Variants in C8orf34 observed in about 807,000 individuals in gnomAD.
C8orf34 encodes the protein chromosome 8 open reading frame 34, also known as uncharacterized protein C8orf34.
In C8orf34, 65 loss-of-function variants were observed where a neutral mutation model predicts 68.3. The observed-to-expected ratio is 0.95, with a 90% confidence interval of 0.78 to 1.17. The LOEUF is 1.17. Among genes scored for constraint, C8orf34 ranks in the 50% most tolerant of loss-of-function variants. The pLI is 0.00. For synonymous variants in C8orf34, 244 were observed against 241.2 expected, an observed-to-expected ratio of 1.01 and a Z score of -0.11; for missense variants, 664 against 655.4, an observed-to-expected ratio of 1.01 and a Z score of -0.14.
intron 7 of C8orf34, chr8:68,535,028 C>G (rs1182644487): frequency 2.0e-6 from 2 of 985,230 alleles, no homozygotes; most frequent in Non-Finnish European, 2.4e-6. Flanking sequence ...AGGTGGCAAG[C>G]AGTGTAATAA....
chr8:68,661,313 A>G (rs76359743), intron 8 of C8orf34, among the ~76,000 whole-genome samples: 4,895 of 152,300 alleles, frequency 0.032, 254 homozygotes, highest in African/African-American at 0.11. Flanking sequence ...GAAGGCTCGG[A>G]AATGAAAAAG....
intron 1 of C8orf34, among the ~76,000 whole-genome samples, chr8:68,416,538 T>C (rs1430441667): frequency 6.7e-6 from 1 of 149,394 alleles, no homozygotes; most frequent in Non-Finnish European, 1.5e-5. Context: ...TATTTATTTA[T>C]TTATTTATTT....
chr8:68,577,954 A>T (rs1386198946), intron 7 of C8orf34, among the ~76,000 whole-genome samples: 1 of 151,898 alleles, frequency 6.6e-6, no homozygotes, highest in African/African-American at 2.4e-5. Flanking sequence ...ATTATAAGAG[A>T]TTGTTGTCCT....
At chr8:68,407,457 A>G (rs772301992) in intron 1 of C8orf34, among the ~76,000 whole-genome samples, 2 of 152,002 alleles carry the variant, frequency 1.3e-5, no homozygotes, top group Non-Finnish European at 2.9e-5. Flanking sequence ...GAGAAATTTG[A>G]TATATCAGAT....
intron 1 of C8orf34, among the ~76,000 whole-genome samples, chr8:68,395,990 G>A (rs1050381563): frequency 6.6e-6 from 1 of 152,012 alleles, no homozygotes; most frequent in East Asian, 1.9e-4. Flanking sequence ...TCCTAAGGAG[G>A]CAGTAGATAT....
intron 1 of C8orf34, among the ~76,000 whole-genome samples, chr8:68,412,014 A>G (rs1586080763): frequency 6.6e-6 from 1 of 152,112 alleles, no homozygotes; most frequent in South Asian, 2.1e-4. Context: ...AGTAGCTTTA[A>G]CCCCTTTGTC....
rs552711661 is a variant in C8orf34, at chr8:68,778,551, GC to G, written c.1455+2103del. On this transcript the variant is annotated intron_variant, in intron 11 of 13. Transcript: ENST00000518698. The stretch of plus-strand genomic sequence containing the variant: ...TTCTCAAAAGTAAAGCTAAAATGGA[GC>G]TTTTATTCAACATCTTCTATTTTTC... 1.5e-3 allele frequency among the ~76,000 whole-genome samples: 232 copies of G among 152,060 alleles called. 1 individual carries two copies. The highest frequency in any genetic ancestry group is 4.4e-3 in the South Asian group (21 of 4,824).
At chr8:68,809,165 A>G (rs933530005) in intron 12 of C8orf34, among the ~76,000 whole-genome samples, 1 of 152,176 alleles carries the variant, frequency 6.6e-6, no homozygotes. Context: ...GTCAGATTTT[A>G]ACTATAAGGG....
At chr8:68,377,313 G>A (rs935541046) in intron 1 of C8orf34, among the ~76,000 whole-genome samples, 1 of 152,090 alleles carries the variant, frequency 6.6e-6, no homozygotes, top group Non-Finnish European at 1.5e-5. Context: ...AGAGAGGATC[G>A]CTTGAGCCCA....
At chr8:68,724,161 AT>A (rs1821760725) in intron 10 of C8orf34, among the ~76,000 whole-genome samples, 1 of 152,188 alleles carries the variant, frequency 6.6e-6, no homozygotes, top group Non-Finnish European at 1.5e-5. Context: ...TAAAATGAAG[AT>A]ATTTTAGATA....
intron 1 of C8orf34, among the ~76,000 whole-genome samples, chr8:68,367,907 G>GAAAAAAAAAAAA (rs1807360133): frequency 5.3e-4 from 8 of 15,032 alleles, no homozygotes; most frequent in African/African-American, 1.3e-3. Flanking sequence ...AATAAAAAAA[G>GAAAAAAAAAAAA]AAAAGAAAAA....
At chr8:68,418,475 A>G (rs1809782181) in intron 1 of C8orf34, among the ~76,000 whole-genome samples, 1 of 152,166 alleles carries the variant, frequency 6.6e-6, no homozygotes, top group African/African-American at 2.4e-5. Context: ...TCCCATCAAT[A>G]CCTAATTTAT....
intron 7 of C8orf34, among the ~76,000 whole-genome samples, chr8:68,610,981 C>A (rs964758549): frequency 1.3e-5 from 2 of 151,602 alleles, no homozygotes; most frequent in African/African-American, 4.9e-5. Flanking sequence ...TCTCCTGCCT[C>A]AGCCTTCCAA....
intron 3 of C8orf34, among the ~76,000 whole-genome samples, chr8:68,456,018 G>A (rs1811533728): frequency 6.6e-6 from 1 of 151,584 alleles, no homozygotes; most frequent in Non-Finnish European, 1.5e-5. Context: ...GGTGGAGGCA[G>A]GTGGATCACG....
chr8:68,705,103 G>A (rs545137925), intron 8 of C8orf34, among the ~76,000 whole-genome samples: 35 of 152,274 alleles, frequency 2.3e-4, no homozygotes, highest in Non-Finnish European at 4.6e-4. Flanking sequence ...TGCAATGAGA[G>A]GCAGAGTGAT....
chr8:68,439,372 C>A, intron 1 of C8orf34, 127 bp from the exon 2 acceptor site: 3 of 721,734 alleles, frequency 4.2e-6, no homozygotes, highest in Non-Finnish European at 4.3e-6. Flanking sequence ...TTGTTATAAG[C>A]ATGGAGTTAG....
At chr8:68,725,376 TCTTA>T (rs1372412094) in intron 10 of C8orf34, among the ~76,000 whole-genome samples, 2 of 152,210 alleles carry the variant, frequency 1.3e-5, no homozygotes, top group African/African-American at 4.8e-5. Flanking sequence ...GGTCATCATT[TCTTA>T]CTTAAAGTAG....
At chr8:68,478,516 G>C (rs895032921) in intron 4 of C8orf34, among the ~76,000 whole-genome samples, 1 of 152,088 alleles carries the variant, frequency 6.6e-6, no homozygotes, top group Non-Finnish European at 1.5e-5. Context: ...ACATTTTCAA[G>C]TATCTTTATA....
chr8:68,491,739 T>C (rs1314385548), intron 5 of C8orf34, among the ~76,000 whole-genome samples: 1 of 152,228 alleles, frequency 6.6e-6, no homozygotes, highest in Non-Finnish European at 1.5e-5. Flanking sequence ...GAAATGTAAA[T>C]ATTAATTCAT....
Sources: gnomAD v4.1 joint callset for allele counts (sites outside exome capture counted in the v4.1 genomes callset) on GRCh38, gnomAD v4.1.1 for gene constraint, MANE v1.5 for transcripts, NCBI Gene and HGNC (gene_info 2026-07-23, HGNC 2026-07-21) for gene names.